Variants in PACSIN2 observed in about 807,000 individuals in gnomAD.
PACSIN2 encodes the protein protein kinase C and casein kinase substrate in neurons 2, also known as protein kinase C and casein kinase substrate in neurons protein 2.
In PACSIN2, 25 loss-of-function variants were observed where a neutral mutation model predicts 63.8. That is an observed-to-expected ratio of 0.39 (90% CI 0.29 to 0.55). PACSIN2 has a LOEUF of 0.55. Ranked by LOEUF, PACSIN2 falls within the 20% of genes least tolerant of loss-of-function variation. The pLI, the probability that PACSIN2 is intolerant of heterozygous loss-of-function variation, is 0.62. For missense variants in PACSIN2, 518 were observed against 646.9 expected (o/e 0.80, Z 2.16); for synonymous variants, 255 against 256.2 (o/e 1.00, Z 0.05).
chr22:42,940,993 G>C (rs1306923486), intron 1 of PACSIN2, among the ~76,000 whole-genome samples: 1 of 152,072 alleles, frequency 6.6e-6, no homozygotes, highest in Non-Finnish European at 1.5e-5. Context: ...AATCATTTTA[G>C]AACATTTTCA....
chr22:43,000,397 T>A (rs550152111), intron 1 of PACSIN2, among the ~76,000 whole-genome samples: 6 of 152,220 alleles, frequency 3.9e-5, no homozygotes, highest in African/African-American at 1.4e-4. Flanking sequence ...ATGGACTGAG[T>A]TTGTCTCCAC....
chr22:42,922,821 G>A (rs556509189), intron 1 of PACSIN2, among the ~76,000 whole-genome samples: 1 of 152,184 alleles, frequency 6.6e-6, no homozygotes, highest in African/African-American at 2.4e-5. Flanking sequence ...CATCCTACTA[G>A]GGCAGATTGG....
chr22:43,003,191 A>T lies in PACSIN2; in HGVS notation c.-78+11830T>A, dbSNP rs544250480. On this transcript the variant is annotated intron_variant, in intron 1 of 10. Transcript: ENST00000263246. ...AAAAACCACTTTGTGCGTGGAAGGTAAACTACAAAGAGTTTTTTACTCAGA... is the reference window on the plus strand; with the variant it reads ...AAAAACCACTTTGTGCGTGGAAGGTTAACTACAAAGAGTTTTTTACTCAGA... Among the ~76,000 whole-genome samples, 3 of 152,368 alleles carry T rather than the reference A, an allele frequency of 2.0e-5. No homozygotes were observed. The South Asian group carries it at 6.2e-4, about 32-fold the overall frequency.
intron 7 of PACSIN2, 35 bp from the exon 8 acceptor site, chr22:42,879,204 G>A (rs540629585): frequency 1.9e-6 from 3 of 1,602,254 alleles, no homozygotes; most frequent in Admixed American, 1.7e-5. Context: ...GAAACCAAAG[G>A]TTCACTACTT....
At position 42,969,898 on chromosome 22, in the gene PACSIN2, G is replaced by A. The variant is rs954744095; in HGVS notation, c.-78+45123C>T. Among the ~76,000 whole-genome samples the A allele has an allele frequency of 6.0e-4, 83 of 139,328 alleles. 1 individual carries two copies. Among genetic ancestry groups the A allele is most frequent in the Middle Eastern group, 3.5e-3 (1 of 286 alleles). The allele number at this position is 139,328 out of a possible 152,430, so 91.4% of individuals were successfully genotyped here. On this transcript the variant is annotated intron_variant, in intron 1 of 10. Coordinates refer to ENST00000263246, the MANE Select transcript of PACSIN2 (RefSeq NM_001184970.3). ...AGCCTGAGTGACAGGGTGAGATGCTGGCCCTTAAAAAAAAAAAGAAAAAGA... is the reference window on the plus strand; with the variant it reads ...AGCCTGAGTGACAGGGTGAGATGCTAGCCCTTAAAAAAAAAAAGAAAAAGA...
chr22:42,942,084 T>C (rs4822235), intron 1 of PACSIN2, among the ~76,000 whole-genome samples: 85,249 of 150,240 alleles, frequency 0.57, 24,615 homozygotes, highest in East Asian at 0.78. Flanking sequence ...GCCTTTATTA[T>C]TGAATTTTAA....
At position 42,885,454 on chromosome 22, in the gene PACSIN2, G is replaced by C. The variant is rs770229984; in HGVS notation, c.610-893C>G. 1.3e-5 allele frequency among the ~76,000 whole-genome samples: 2 copies of C among 151,960 alleles called. 1 individual carries two copies. The highest frequency in any genetic ancestry group is 4.8e-5 in the African/African-American group (2 of 41,342). ...TTCTTTCTACTATGGGGGTAGTCAC[G>C]GGCTCCACTCAGGTCTAAGCTTTGC... On this transcript the variant is annotated intron_variant, in intron 5 of 10. Transcript: ENST00000263246.
At chr22:42,944,849 G>A (rs1255673734) in intron 1 of PACSIN2, among the ~76,000 whole-genome samples, 1 of 152,180 alleles carries the variant, frequency 6.6e-6, no homozygotes, top group Non-Finnish European at 1.5e-5. Context: ...TATAATCTCA[G>A]CACTTTGGGA....
intron 1 of PACSIN2, among the ~76,000 whole-genome samples, chr22:42,936,837 C>T (rs1316097470): frequency 1.4e-5 from 2 of 143,396 alleles, no homozygotes; most frequent in African/African-American, 2.6e-5. Context: ...CCTGAACCCG[C>T]GAGACGGAGG....
chr22:42,916,599 C>T (rs549760866), intron 1 of PACSIN2, among the ~76,000 whole-genome samples: 1 of 152,226 alleles, frequency 6.6e-6, no homozygotes, highest in Admixed American at 6.5e-5. Flanking sequence ...GCTCCCCGCT[C>T]TCACCCTGAC....
chr22:43,000,786 G>A (rs562228027), intron 1 of PACSIN2, among the ~76,000 whole-genome samples: 164 of 152,336 alleles, frequency 1.1e-3, no homozygotes, highest in African/African-American at 3.8e-3. Context: ...GATAAAACTG[G>A]AATTGATTAT....
rs566301223 is a variant in PACSIN2 at position 42,980,292 on chromosome 22, C to A, written c.-78+34729G>T. 2.0e-5 allele frequency among the ~76,000 whole-genome samples: 3 copies of A among 152,278 alleles called. No homozygotes were observed. The East Asian group carries it at 5.8e-4, about 29-fold the overall frequency. On this transcript the variant is annotated intron_variant, in intron 1 of 10. Coordinates refer to ENST00000263246, the MANE Select transcript of PACSIN2 (RefSeq NM_001184970.3). ...ACTTTGAGAGGCCAAGGCATGAGGA[C>A]TGCTTGAGCCCAAGAGTTCAAGAAC...
chr22:43,014,895 C>T (rs1406108684), intron 1 of PACSIN2, 126 bp downstream of exon 1: 1 of 150,648 alleles, frequency 6.6e-6, no homozygotes, highest in East Asian at 2.0e-4. Context: ...ACCCGCTTCC[C>T]TCAGGGCGCG....
chr22:42,876,078 C>A (rs879078821), intron 10 of PACSIN2, 59 bp downstream of exon 10: 1 of 1,452,000 alleles, frequency 6.9e-7, no homozygotes, highest in South Asian at 1.2e-5. Flanking sequence ...CAAAAAAGAC[C>A]GCCCACAGCC....
chr22:42,895,590 G>A (rs777273038), intron 2 of PACSIN2, among the ~76,000 whole-genome samples: 11 of 152,212 alleles, frequency 7.2e-5, no homozygotes, highest in South Asian at 4.1e-4. Context: ...CCACCCATCG[G>A]CACACACAGG....
chr22:42,964,698 G>C lies in PACSIN2; in HGVS notation c.-78+50323C>G, dbSNP rs574502557. 2.6e-5 allele frequency among the ~76,000 whole-genome samples: 4 copies of C among 152,208 alleles called. No individual in the cohort carries two copies. The South Asian group carries it at 8.3e-4, about 32-fold the overall frequency. Reference sequence around the variant, plus strand: ...TTTGCATGCCCCAAACACAGAGCCAGGTGATCCATCGGCAGCAGGGACGAC... The same window carrying C: ...TTTGCATGCCCCAAACACAGAGCCACGTGATCCATCGGCAGCAGGGACGAC... On this transcript the variant is annotated intron_variant, in intron 1 of 10. Coordinates refer to ENST00000263246, the MANE Select transcript of PACSIN2 (RefSeq NM_001184970.3).
intron 1 of PACSIN2, among the ~76,000 whole-genome samples, chr22:42,962,812 T>A (rs931343364): frequency 4.2e-5 from 6 of 143,394 alleles, no homozygotes; most frequent in Non-Finnish European, 8.9e-5. Flanking sequence ...AAAACTGACT[T>A]TGAACTGAAT....
At chr22:43,005,894 A>G (rs543021868) in intron 1 of PACSIN2, among the ~76,000 whole-genome samples, 68 of 152,278 alleles carry the variant, frequency 4.5e-4, no homozygotes, top group Admixed American at 9.2e-4. Context: ...GGCATTAGGA[A>G]GTAGGGCCTT....
chr22:42,879,053 G>A lies in PACSIN2; in HGVS notation c.1023C>T (p.Pro341=). The A allele has an allele frequency of 6.2e-7, 1 of 1,613,578 alleles. No homozygotes were observed. Among genetic ancestry groups the A allele is most frequent in the Non-Finnish European group, 8.5e-7 (1 of 1,179,708 alleles). The change falls in exon 8 of 11, where the codon CCC becomes CCT. Residue 341 remains proline, a synonymous_variant. Transcript: ENST00000263246. The part of the protein sequence containing the change: ...QTGDQSLPSK[P]SSTLNVPSNP... ...TGGAGGTGGCGCCCACTCACCTGCT[G>A]GGCTTACTCGGCAGAGACTGGTCGC...
Sources: gnomAD v4.1 joint callset for allele counts (sites outside exome capture counted in the v4.1 genomes callset) on GRCh38, gnomAD v4.1.1 for gene constraint, MANE v1.5 for transcripts, NCBI Gene and HGNC (gene_info 2026-07-23, HGNC 2026-07-21) for gene names.